TECPR2: variants seen among roughly 807,000 people sequenced by gnomAD.
TECPR2 encodes tectonin beta-propeller repeat-containing protein 2.
TECPR2 carries 65 observed loss-of-function variants against 138.1 expected under a neutral mutation model. The observed-to-expected ratio is 0.47, with a 90% CI of 0.39 to 0.58. The LOEUF is 0.58. TECPR2 is among the 20% of genes least tolerant of loss of function. TECPR2 has a pLI of 0.00. For missense variants in TECPR2, 1,553 were observed against 1,824.5 expected (o/e 0.85, Z 2.71); for synonymous variants, 746 against 749.8 (o/e 0.99, Z 0.08).
At chr14:102,424,953 T>C in intron 5 of TECPR2, 26 bp from the exon 6 acceptor site, 1 of 1,582,466 alleles carries the variant, frequency 6.3e-7, no homozygotes, top group South Asian at 1.1e-5. Flanking sequence ...TGTTTTTTGT[T>C]CTTTCTTTCT....
At chr14:102,470,466 C>T (rs555242190) in intron 17 of TECPR2, among the ~76,000 whole-genome samples, 3 of 151,802 alleles carry the variant, frequency 2.0e-5, no homozygotes, top group African/African-American at 4.8e-5. Flanking sequence ...TACCACCACA[C>T]GCAGCTAATT....
In TECPR2 at chr14:102,410,122, AT is replaced by A. The variant is rs142388732; in HGVS notation, c.480+1507del. Among the ~76,000 whole-genome samples the A allele has an allele frequency of 9.5e-4, 144 of 152,290 alleles. 1 individual carries two copies. In the East Asian group the frequency reaches 0.024, roughly 25 times the overall value. On this transcript the variant is annotated intron_variant, in intron 4 of 19. Transcript: ENST00000359520. ...CTGCGCCTGGCTGAAATTTAAAAAT[AT>A]TTTACTTTGAAATAATAAATCCATA... is the stretch of plus-strand genomic sequence containing the variant.
intron 17 of TECPR2, among the ~76,000 whole-genome samples, chr14:102,474,350 C>A (rs550129722): frequency 6.6e-6 from 1 of 151,562 alleles, no homozygotes; most frequent in East Asian, 2.0e-4. Flanking sequence ...TGGGGCCGGG[C>A]ACGGTGGCTC....
intron 5 of TECPR2, among the ~76,000 whole-genome samples, chr14:102,422,484 G>T (rs1889211547): frequency 6.6e-6 from 1 of 152,194 alleles, no homozygotes; most frequent in Non-Finnish European, 1.5e-5. Context: ...TTCAGCAGTA[G>T]AAATGAATTA....
chr14:102,443,707 C>G lies in TECPR2; in HGVS notation c.2813C>G (p.Ser938Cys). Residue 938 changes from serine (S) to cysteine (C), a missense_variant, in exon 12 of 20, where the codon TCC (serine) becomes TGC (cysteine). Transcript: ENST00000359520. The surrounding 1 kb of genome is among the most constrained non-coding windows in gnomAD (Gnocchi z 4.9). ...AVKVDCPYPLSQITARNNVVW... is the reference protein window; with the variant it reads ...AVKVDCPYPLCQITARNNVVW... ...AAGGTGGACTGTCCCTACCCGCTGT[C>G]CCAGATCACAGCCCGGAACAATGTG... 1 of 1,612,774 alleles carries G rather than the reference C, an allele frequency of 6.2e-7. No homozygotes were observed. Among genetic ancestry groups the G allele is most frequent in the South Asian group, 1.1e-5 (1 of 90,968 alleles).
At chr14:102,411,096 C>G (rs1315459092) in intron 4 of TECPR2, among the ~76,000 whole-genome samples, 1 of 152,104 alleles carries the variant, frequency 6.6e-6, no homozygotes, top group Non-Finnish European at 1.5e-5. Context: ...CACGATATCA[C>G]CCCTTACCAC....
intron 17 of TECPR2, among the ~76,000 whole-genome samples, chr14:102,486,912 G>GA (rs1321393305): frequency 1.3e-5 from 2 of 152,136 alleles, no homozygotes; most frequent in Non-Finnish European, 2.9e-5. Context: ...CTGCTACAGG[G>GA]AAAAAAGAAC....
chr14:102,440,723 A>T (rs1014207401), intron 11 of TECPR2, 114 bp downstream of exon 11: 23 of 1,284,706 alleles, frequency 1.8e-5, no homozygotes, highest in Non-Finnish European at 2.4e-5. Context: ...GGCTAAATCC[A>T]TTCGAATTAA....
Position 102,414,158 on chromosome 14 carries a change from G to A in TECPR2, c.481-478G>A, listed in dbSNP as rs184826436. ...CTGCTTTGAACCCTTTGTGAGGGGA[G>A]ACTATAATATGAACTTACAGAGCTG... On this transcript the variant is annotated intron_variant, in intron 4 of 19. Transcript: ENST00000359520. Among the ~76,000 whole-genome samples the A allele has an allele frequency of 1.1e-4, 17 of 152,272 alleles. No individual in the cohort carries two copies. In the East Asian group the frequency reaches 1.9e-3, roughly 17 times the overall value.
intron 2 of TECPR2, among the ~76,000 whole-genome samples, chr14:102,383,733 A>AT (rs1411919303): frequency 3.3e-5 from 5 of 151,860 alleles, no homozygotes; most frequent in African/African-American, 1.2e-4. Context: ...GAAAAACTGT[A>AT]TAACTATTTA....
chr14:102,497,604 G>C lies in TECPR2; in HGVS notation c.3966G>C (p.Arg1322Ser), dbSNP rs770952918. 5 of 1,608,428 alleles carry C rather than the reference G, an allele frequency of 3.1e-6. No homozygotes were observed. The highest frequency in any genetic ancestry group is 1.1e-5 in the South Asian group (1 of 90,206). ...LQACQLALST[R>S]TVWARCPNGD... ...CCTGCCAGCTGGCGCTGAGCACCAGGACCGTGTGGGCCCGCTGTCCAAACG... is the reference window on the plus strand; with the variant it reads ...CCTGCCAGCTGGCGCTGAGCACCAGCACCGTGTGGGCCCGCTGTCCAAACG... Residue 1322 changes from arginine (R) to serine (S), a missense_variant, in exon 19 of 20, where the codon AGG becomes AGC. By Grantham distance (110) the Arg-to-Ser change is moderately radical (BLOSUM62 -1). Coordinates refer to ENST00000359520, the MANE Select transcript of TECPR2 (RefSeq NM_014844.5).
rs769000133 is a variant in TECPR2, at chr14:102,437,912, C to T, written c.2395-110C>T. The T allele has an allele frequency of 1.3e-4, 166 of 1,288,208 alleles. No homozygotes were observed. The Middle Eastern group carries it at 1.6e-3, about 12-fold the overall frequency. 79.8% of individuals were successfully genotyped at this position (1,288,208 alleles called of 1,614,324 possible). A position where few individuals can be genotyped will look rare whatever the true frequency, so the allele number is the denominator to read the frequency against. ...GGGTTGACTTGGCGTCTTGCTGACC[C>T]GTTTTACCGTCTCGTGTTAATGATA... On this transcript the variant is annotated intron_variant, in intron 9 of 19. Transcript: ENST00000359520.
chr14:102,454,682 C>T (rs149199387), intron 16 of TECPR2, among the ~76,000 whole-genome samples: 314 of 152,334 alleles, frequency 2.1e-3, no homozygotes, highest in African/African-American at 6.9e-3. Context: ...AGCTCCTACC[C>T]AGACTAACTG....
At chr14:102,491,219 T>C (rs2139797188) in intron 17 of TECPR2, among the ~76,000 whole-genome samples, 1 of 152,310 alleles carries the variant, frequency 6.6e-6, no homozygotes, top group South Asian at 2.1e-4. Flanking sequence ...TTTTTACTTT[T>C]ATTTTGTTTA....
rs763008742 is a variant in TECPR2, at chr14:102,449,880, T to A, written c.3316+11T>A. ...AGGGAAGTCTCATAGGTGGGTGAAT[T>A]GCTGTAATTTTCACACTGGCTTTAT... On this transcript the variant is annotated intron_variant, in intron 14 of 19. Coordinates refer to ENST00000359520, the MANE Select transcript of TECPR2 (RefSeq NM_014844.5). The A allele has an allele frequency of 1.2e-6, 2 of 1,610,656 alleles. No homozygotes were observed. Among genetic ancestry groups the A allele is most frequent in the Admixed American group, 1.7e-5 (1 of 59,888 alleles).
chr14:102,498,742 C>G lies in TECPR2; in HGVS notation c.*485C>G, dbSNP rs1891361768. On this transcript the variant is annotated 3_prime_UTR_variant, in exon 20 of 20. Transcript: ENST00000359520. ...GCTTTGTCCCATCATAGGGGGGTGT[C>G]CCCCCAGAGACAAAGCTGCAGAGCA... 1 of 456,352 alleles carries G rather than the reference C, an allele frequency of 2.2e-6. No homozygotes were observed. Among genetic ancestry groups the G allele is most frequent in the East Asian group, 5.1e-5 (1 of 19,764 alleles). The allele number at this position is 456,352 out of a possible 1,614,324, so 28.3% of individuals were successfully genotyped here.
At chr14:102,417,375 G>A (rs990337544) in intron 5 of TECPR2, among the ~76,000 whole-genome samples, 2 of 152,212 alleles carry the variant, frequency 1.3e-5, no homozygotes, top group African/African-American at 4.8e-5. Context: ...CAGCAAGTAC[G>A]GAGGCATCCA....
In TECPR2 at chr14:102,415,307, T is replaced by C. The variant is rs1227727427; in HGVS notation, c.638+514T>C. ...CTGTGTCAGCTGCTGTGGACCAAAA[T>C]ACACAGGATGCTGTGTGAGTTTAGA... On this transcript the variant is annotated intron_variant, in intron 5 of 19. Transcript: ENST00000359520. The surrounding 1 kb of genome is among the most constrained non-coding windows in gnomAD (Gnocchi z 4.3). 6.6e-6 allele frequency among the ~76,000 whole-genome samples: 1 copy of C among 152,158 alleles called. No homozygotes were observed. Among genetic ancestry groups the C allele is most frequent in the Admixed American group, 6.5e-5 (1 of 15,276 alleles).
intron 17 of TECPR2, among the ~76,000 whole-genome samples, chr14:102,467,499 A>C (rs1890571165): frequency 6.6e-6 from 1 of 151,720 alleles, no homozygotes; most frequent in South Asian, 2.1e-4. Context: ...TGATTTTTGT[A>C]TTTTTAGGAG....
Sources: gnomAD v4.1 joint callset for allele counts (sites outside exome capture counted in the v4.1 genomes callset) on GRCh38, gnomAD v4.1.1 for gene constraint, Gnocchi (gnomAD v3.1) non-coding constraint, MANE v1.5 for transcripts, NCBI Gene and HGNC (gene_info 2026-07-23, HGNC 2026-07-21) for gene names.